The following TCERG1L variants were observed in gnomAD, a reference collection of about 807,000 sequenced individuals.
TCERG1L encodes transcription elongation regulator 1-like protein.
TCERG1L carries 37 observed loss-of-function variants against 56.3 expected under a neutral mutation model. That is an observed-to-expected ratio of 0.66 (90% CI 0.51 to 0.87). The LOEUF (loss-of-function observed/expected upper bound fraction) is 0.87, where lower values mean the gene tolerates loss of function less well. Among genes scored for constraint, TCERG1L ranks in the 40% least tolerant of loss-of-function variants. The pLI is 0.00. For synonymous variants in TCERG1L, 324 were observed against 326.3 expected, an observed-to-expected ratio of 0.99 and a Z score of 0.08; for missense variants, 799 against 774.2, an observed-to-expected ratio of 1.03 and a Z score of -0.38.
Position 131,192,666 on chromosome 10 carries a change from T to C in TCERG1L, c.857-25781A>G, listed in dbSNP as rs576209978. Among the ~76,000 whole-genome samples, 3 of 145,068 alleles carry C rather than the reference T, an allele frequency of 2.1e-5. No homozygotes were observed. In the East Asian group the frequency reaches 5.8e-4, roughly 28 times the overall value. On this transcript the variant is annotated intron_variant, in intron 4 of 11. Coordinates refer to ENST00000368642, the MANE Select transcript of TCERG1L (RefSeq NM_174937.4). ...GTATATCTACACCATGGAATACCAC[T>C]CAGCCATGAAAAGGAATGACATAAT... is the stretch of plus-strand genomic sequence containing the variant.
chr10:131,224,116 C>T (rs1420848404), intron 4 of TCERG1L, among the ~76,000 whole-genome samples: 1 of 152,122 alleles, frequency 6.6e-6, no homozygotes, highest in Non-Finnish European at 1.5e-5. Flanking sequence ...CTCCTTTCCC[C>T]CTGACCCATC....
At chr10:131,273,773 C>A (rs528255010) in intron 3 of TCERG1L, among the ~76,000 whole-genome samples, 1 of 152,288 alleles carries the variant, frequency 6.6e-6, no homozygotes, top group East Asian at 1.9e-4. Context: ...GGGCCAGGCT[C>A]TGGGCTTCCA....
rs143336745 is a variant in TCERG1L, at chr10:131,250,003, T to G, written c.856+10256A>C. Among the ~76,000 whole-genome samples the G allele has an allele frequency of 2.6e-5, 4 of 152,278 alleles. No individual in the cohort carries two copies. In the East Asian group the frequency reaches 7.7e-4, roughly 29 times the overall value. ...TCAGAAAGAACGCAAGAGCAAACAC[T>G]GTTCGGGGCAGCCAGGGACACCCTG... On this transcript the variant is annotated intron_variant, in intron 4 of 11. Coordinates refer to ENST00000368642, the MANE Select transcript of TCERG1L (RefSeq NM_174937.4).
chr10:131,298,784 T>A (rs1243813112), intron 3 of TCERG1L, among the ~76,000 whole-genome samples: 1 of 152,260 alleles, frequency 6.6e-6, no homozygotes, highest in Non-Finnish European at 1.5e-5. Context: ...ATGTTTCCTG[T>A]GCAGATAAAA....
At chr10:131,249,065 C>T (rs1237015032) in intron 4 of TCERG1L, among the ~76,000 whole-genome samples, 1 of 152,220 alleles carries the variant, frequency 6.6e-6, no homozygotes, top group Non-Finnish European at 1.5e-5. Flanking sequence ...CCCTCTCACG[C>T]TCACTTGTAA....
rs914506011 is a variant in TCERG1L, at chr10:131,311,330, G to C, written c.306C>G (p.Ala102=). 1.7e-6 allele frequency: 2 copies of C among 1,206,922 alleles called. No individual in the cohort carries two copies. The highest frequency in any genetic ancestry group is 4.4e-5 in the Admixed American group (1 of 22,652). The allele number at this position is 1,206,922 out of a possible 1,614,324, so 74.8% of individuals were successfully genotyped here. A position where few individuals can be genotyped will look rare whatever the true frequency, so the allele number is the denominator to read the frequency against. ...PLPSAPDSAA[A]AAAHPFPALH... is the part of the protein sequence containing the mutation. ...GCGCGGGGAAGGGGTGCGCGGCGGC[G>C]GCGGCGGCGGAGTCTGGCGCAGAGG... Residue 102 remains alanine (A), a synonymous_variant, in exon 1 of 12, where the codon GCC becomes GCG. Coordinates refer to ENST00000368642, the MANE Select transcript of TCERG1L (RefSeq NM_174937.4). The surrounding 1 kb of genome is among the most constrained non-coding windows in gnomAD (Gnocchi z 4.0).
At position 131,146,535 on chromosome 10, in the gene TCERG1L, G is replaced by A. The variant is rs1186035956; in HGVS notation, c.1160C>T (p.Pro387Leu). 6.2e-7 allele frequency: 1 copy of A among 1,611,856 alleles called. No homozygotes were observed. The highest frequency in any genetic ancestry group is 8.5e-7 in the Non-Finnish European group (1 of 1,178,594). ...TGGTGCCTCCAGCTTGCGTTTGTGG[G>A]GCGGGTCCTCAATGATCCTGTTGAG... ...GDLNRIIEDP[P>L]HKRKLEAPAT... Residue 387 changes from proline (P) to leucine (L), a missense_variant, in exon 7 of 12, where the codon CCC (proline) becomes CTC (leucine). Physicochemically the swap from Pro to Leu is moderately conservative, Grantham distance 98. Coordinates refer to ENST00000368642, the MANE Select transcript of TCERG1L (RefSeq NM_174937.4).
intron 9 of TCERG1L, among the ~76,000 whole-genome samples, chr10:131,110,053 G>A (rs764374221): frequency 3.9e-5 from 6 of 152,178 alleles, no homozygotes; most frequent in Non-Finnish European, 7.3e-5. Flanking sequence ...CAGGCATCTC[G>A]CTGGAGAGTG....
intron 4 of TCERG1L, among the ~76,000 whole-genome samples, chr10:131,186,115 A>G (rs1845242725): frequency 6.6e-6 from 1 of 152,236 alleles, no homozygotes; most frequent in African/African-American, 2.4e-5. Flanking sequence ...ACAAAAGGTC[A>G]CCTATTGTGT....
intron 3 of TCERG1L, among the ~76,000 whole-genome samples, chr10:131,263,320 T>A (rs1846251020): frequency 1.3e-5 from 2 of 152,300 alleles, no homozygotes; most frequent in African/African-American, 2.4e-5. Context: ...TATATCATCT[T>A]AATAATAACA....
intron 3 of TCERG1L, among the ~76,000 whole-genome samples, chr10:131,280,090 T>C (rs536435057): frequency 6.6e-6 from 1 of 152,176 alleles, no homozygotes; most frequent in Non-Finnish European, 1.5e-5. Flanking sequence ...CCTGGTGACA[T>C]GTGCCCAGGG....
chr10:131,176,957 TACAC>T (rs746193044), intron 4 of TCERG1L, among the ~76,000 whole-genome samples: 11 of 41,030 alleles, frequency 2.7e-4, no homozygotes, highest in Non-Finnish European at 4.4e-5. Context: ...AAGACACGTG[TACAC>T]ACAGAGACAC....
intron 4 of TCERG1L, among the ~76,000 whole-genome samples, chr10:131,169,008 G>T (rs764677822): frequency 2.6e-5 from 4 of 152,192 alleles, no homozygotes; most frequent in Non-Finnish European, 5.9e-5. Flanking sequence ...GTCAAGAAAA[G>T]ATTTCAGGAC....
chr10:131,102,371 G>A (rs1845312239), intron 10 of TCERG1L, among the ~76,000 whole-genome samples: 1 of 152,162 alleles, frequency 6.6e-6, no homozygotes, highest in Admixed American at 6.5e-5. Flanking sequence ...GCTGGGAACG[G>A]GAGTGAGGAC....
At chr10:131,097,297 G>A (rs1267837211) in intron 11 of TCERG1L, among the ~76,000 whole-genome samples, 3 of 151,402 alleles carry the variant, frequency 2.0e-5, no homozygotes, top group Admixed American at 6.6e-5. Flanking sequence ...TTATGCTTAC[G>A]AAACTTACAG....
At chr10:131,146,717 C>T (rs565791958) in intron 6 of TCERG1L, 57 bp from the exon 7 acceptor site, 16 of 1,542,778 alleles carry the variant, frequency 1.0e-5, no homozygotes, top group Admixed American at 5.8e-5. Flanking sequence ...ATTAGAAAGT[C>T]GTTAGCATGA....
chr10:131,299,218 TAA>T (rs987018551), intron 3 of TCERG1L, among the ~76,000 whole-genome samples: 2 of 152,172 alleles, frequency 1.3e-5, no homozygotes, highest in Non-Finnish European at 2.9e-5. Flanking sequence ...TGTCTTCTTA[TAA>T]AAAGTGAGTT....
intron 8 of TCERG1L, among the ~76,000 whole-genome samples, chr10:131,127,900 T>C (rs1845579291): frequency 6.6e-6 from 1 of 151,444 alleles, no homozygotes; most frequent in African/African-American, 2.4e-5. Flanking sequence ...CCAAGACCAC[T>C]ACCAAGAGGG....
At chr10:131,301,032 C>G (rs1035098805) in intron 3 of TCERG1L, among the ~76,000 whole-genome samples, 1 of 151,974 alleles carries the variant, frequency 6.6e-6, no homozygotes, top group Admixed American at 6.6e-5. Context: ...AGTATTTGTA[C>G]CCTTACCCCA....
Sources: allele counts gnomAD v4.1 joint callset (sites outside exome capture counted in the v4.1 genomes callset), GRCh38; gene constraint gnomAD v4.1.1; non-coding constraint Gnocchi (gnomAD v3.1); transcripts MANE v1.5; gene names NCBI Gene and HGNC (gene_info 2026-07-23, HGNC 2026-07-21).